Variants in DSCAM observed in about 807,000 individuals in gnomAD.
DSCAM encodes cell adhesion molecule DSCAM.
In DSCAM, 47 loss-of-function variants were observed where a neutral mutation model predicts 217.7. The observed-to-expected ratio is 0.22, with a 90% CI of 0.17 to 0.28. DSCAM has a LOEUF of 0.28. Among genes scored for constraint, DSCAM ranks in the 10% least tolerant of loss-of-function variants. The pLI is 1.00. For synonymous variants in DSCAM, 1,056 were observed against 1,015.3 expected, an observed-to-expected ratio of 1.04 and a Z score of -0.76; for missense variants, 2,080 against 2,618.3, an observed-to-expected ratio of 0.79 and a Z score of 4.49.
intron 2 of DSCAM, among the ~76,000 whole-genome samples, chr21:40,699,411 T>A (rs1156658228): frequency 6.6e-6 from 1 of 152,216 alleles, no homozygotes; most frequent in Admixed American, 6.5e-5. Context: ...TGGTCTCATA[T>A]CTCTTACTTT....
rs551719386 is a variant in DSCAM at position 40,085,497 on chromosome 21, T to C, written c.4132+105A>G. On this transcript the variant is annotated intron_variant, in intron 23 of 32. Transcript: ENST00000400454. ...TTTTTCTGTAATATGGAAACAGAAGTTAGCTCTTTATAAGGGCTGATTTTA... is the reference window on the plus strand; with the variant it reads ...TTTTTCTGTAATATGGAAACAGAAGCTAGCTCTTTATAAGGGCTGATTTTA... 6.9e-4 allele frequency: 713 copies of C among 1,033,662 alleles called. 11 individuals are homozygous for C. The South Asian group carries it at 0.023, about 33-fold the overall frequency. The allele number at this position is 1,033,662 out of a possible 1,614,324, so 64.0% of individuals were successfully genotyped here.
chr21:40,379,675 C>T (rs547342764), intron 3 of DSCAM, among the ~76,000 whole-genome samples: 1 of 152,218 alleles, frequency 6.6e-6, no homozygotes, highest in African/African-American at 2.4e-5. Context: ...AGTTGCCTCT[C>T]TGAAGACAAA....
chr21:40,379,421 G>GGCTTTTATTATGCTT (rs1263185953), intron 3 of DSCAM, among the ~76,000 whole-genome samples: 4 of 152,096 alleles, frequency 2.6e-5, no homozygotes, highest in Admixed American at 6.6e-5. Context: ...CGTCAAAGAG[G>GGCTTTTATTATGCTT]GCTTTTATTA....
intron 3 of DSCAM, among the ~76,000 whole-genome samples, chr21:40,436,048 T>C (rs1011349193): frequency 3.3e-5 from 5 of 152,138 alleles, no homozygotes; most frequent in African/African-American, 1.2e-4. Context: ...TTCTGAGTGT[T>C]TGAGGTAGGC....
chr21:40,280,045 G>C (rs912727206), intron 10 of DSCAM, among the ~76,000 whole-genome samples: 1 of 151,858 alleles, frequency 6.6e-6, no homozygotes, highest in Non-Finnish European at 1.5e-5. Context: ...AGGTTGATGG[G>C]TGCAGCAAAC....
At chr21:40,810,038 G>A (rs77341974) in intron 1 of DSCAM, among the ~76,000 whole-genome samples, 2,663 of 152,320 alleles carry the variant, frequency 0.017, 53 homozygotes, top group Non-Finnish European at 0.026. Context: ...ACCACCTGCT[G>A]CCCAGTAAGG....
chr21:40,482,675 G>C (rs1289800166), intron 3 of DSCAM, among the ~76,000 whole-genome samples: 1 of 152,184 alleles, frequency 6.6e-6, no homozygotes, highest in Non-Finnish European at 1.5e-5. Flanking sequence ...GGTGGACCCT[G>C]ACAGCAGAGG....
intron 1 of DSCAM, among the ~76,000 whole-genome samples, chr21:40,841,426 A>G (rs868432610): frequency 1.3e-5 from 2 of 152,324 alleles, no homozygotes; most frequent in South Asian, 4.1e-4. Flanking sequence ...GCATTTTCAC[A>G]ACATTGAAGA....
chr21:40,544,503 G>A (rs1255614455), intron 3 of DSCAM, among the ~76,000 whole-genome samples: 1 of 152,152 alleles, frequency 6.6e-6, no homozygotes, highest in Admixed American at 6.5e-5. Context: ...GCCACACAGA[G>A]ACATAGAGAA....
intron 10 of DSCAM, among the ~76,000 whole-genome samples, chr21:40,279,554 G>T (rs2073732275): frequency 2.0e-5 from 3 of 152,194 alleles, no homozygotes; most frequent in African/African-American, 7.2e-5. Context: ...GACCACTGTG[G>T]AAGACAGTGT....
chr21:40,375,539 T>G (rs1470899925), intron 3 of DSCAM, among the ~76,000 whole-genome samples: 1 of 152,228 alleles, frequency 6.6e-6, no homozygotes, highest in Non-Finnish European at 1.5e-5. Context: ...AAGTCAAATT[T>G]CCAGCAAAGT....
chr21:40,531,529 C>T (rs574734097), intron 3 of DSCAM, among the ~76,000 whole-genome samples: 2 of 152,154 alleles, frequency 1.3e-5, no homozygotes, highest in East Asian at 3.9e-4. Flanking sequence ...GCCCAGCTCC[C>T]GGCTCAGAGA....
rs76951770 is a variant in DSCAM, at chr21:40,032,650, C to A, written c.5686+9721G>T. 2.4e-3 allele frequency among the ~76,000 whole-genome samples: 369 copies of A among 151,716 alleles called. 3 individuals are homozygous for A. Among genetic ancestry groups the A allele is most frequent in the African/African-American group, 7.9e-3 (325 of 41,338 alleles). On this transcript the variant is annotated intron_variant, in intron 32 of 32. Coordinates refer to ENST00000400454, the MANE Select transcript of DSCAM (RefSeq NM_001389.5). Reference sequence around the variant, plus strand: ...ATTAAACTCAAAAAGTGTTAGATCTCGTCTGTCTCTGGTATGGGTGGACTC... The same window carrying A: ...ATTAAACTCAAAAAGTGTTAGATCTAGTCTGTCTCTGGTATGGGTGGACTC...
intron 1 of DSCAM, among the ~76,000 whole-genome samples, chr21:40,794,103 C>G (rs1261211340): frequency 6.6e-6 from 1 of 152,070 alleles, no homozygotes; most frequent in East Asian, 1.9e-4. Context: ...TTATTAATTT[C>G]TTTTTAATAG....
At position 40,368,411 on chromosome 21, in the gene DSCAM, A is replaced by C. The variant is rs147937736; in HGVS notation, c.655+688T>G. On this transcript the variant is annotated intron_variant, in intron 4 of 32. Transcript: ENST00000400454. ...TGTAAAAGAACAGATAAAGAAACAA[A>C]AATACTTGCAAGTTCAAAGGAAAAC... Among the ~76,000 whole-genome samples the C allele has an allele frequency of 3.6e-3, 544 of 152,318 alleles. 7 individuals carry two copies. Among genetic ancestry groups the C allele is most frequent in the Admixed American group, 0.011 (167 of 15,290 alleles).
chr21:40,136,393 A>T (rs2090209319), intron 18 of DSCAM, among the ~76,000 whole-genome samples: 1 of 152,124 alleles, frequency 6.6e-6, no homozygotes, highest in Non-Finnish European at 1.5e-5. Flanking sequence ...AGGTGAGAGG[A>T]TCGGTGGAGC....
intron 27 of DSCAM, among the ~76,000 whole-genome samples, chr21:40,073,076 A>T (rs2089318746): frequency 6.6e-6 from 1 of 152,234 alleles, no homozygotes; most frequent in African/African-American, 2.4e-5. Context: ...TCATCATTTC[A>T]ACCCAAAGGC....
At chr21:40,052,897 G>C (rs1211352889) in intron 29 of DSCAM, among the ~76,000 whole-genome samples, 1 of 152,100 alleles carries the variant, frequency 6.6e-6, no homozygotes, top group Non-Finnish European at 1.5e-5. Context: ...TATTTGGTGG[G>C]CCAGGATTCT....
At chr21:40,506,183 C>T (rs1279391684) in intron 3 of DSCAM, among the ~76,000 whole-genome samples, 1 of 152,216 alleles carries the variant, frequency 6.6e-6, no homozygotes, top group Non-Finnish European at 1.5e-5. Flanking sequence ...GATGAATGAG[C>T]ATCGGCTAGG....
Sources: gnomAD v4.1 joint callset for allele counts (sites outside exome capture counted in the v4.1 genomes callset) on GRCh38, gnomAD v4.1.1 for gene constraint, MANE v1.5 for transcripts, NCBI Gene and HGNC (gene_info 2026-07-23, HGNC 2026-07-21) for gene names.